Variants in TOP6BL observed in about 807,000 individuals in gnomAD.
TOP6BL encodes the protein type 2 DNA topoisomerase 6 subunit B-like.
chr11:66,836,425 G>T, the TOP6BL span, among the ~76,000 whole-genome samples: 10 of 151,840 alleles, frequency 6.6e-5, no homozygotes, highest in African/African-American at 2.4e-4. Flanking sequence ...TAGCCAGGAT[G>T]GTCTCAATCT....
the TOP6BL span, among the ~76,000 whole-genome samples, chr11:66,763,527 C>T: frequency 2.0e-5 from 3 of 152,020 alleles, no homozygotes; most frequent in Non-Finnish European, 2.9e-5. Context: ...CCAGGCTGGT[C>T]CTGAACTCCT....
chr11:66,793,162 A>C, the TOP6BL span, among the ~76,000 whole-genome samples: 2 of 151,566 alleles, frequency 1.3e-5, no homozygotes, highest in Non-Finnish European at 2.9e-5. Flanking sequence ...ATCTCAGCTC[A>C]CTGCAACCTC....
chr11:66,758,976 C>A, the TOP6BL span: 1 of 1,217,700 alleles, frequency 8.2e-7, no homozygotes, highest in South Asian at 1.6e-5. Context: ...TTTAGACTCT[C>A]ATTTGATTCT....
At chr11:66,755,999 A>G in the TOP6BL span, among the ~76,000 whole-genome samples, 1 of 152,254 alleles carries the variant, frequency 6.6e-6, no homozygotes, top group Non-Finnish European at 1.5e-5. Flanking sequence ...TAGTACTTAA[A>G]ACTATCTTTT....
the TOP6BL span, among the ~76,000 whole-genome samples, chr11:66,770,114 G>A: frequency 1.3e-5 from 2 of 152,036 alleles, no homozygotes; most frequent in African/African-American, 4.8e-5. Context: ...TCCCTCCCTT[G>A]TATCCACCAA....
chr11:66,827,301 T>C, the TOP6BL span, among the ~76,000 whole-genome samples: 59 of 147,724 alleles, frequency 4.0e-4, no homozygotes, highest in East Asian at 2.7e-3. Flanking sequence ...CCACCTGCCT[T>C]GGCCTCCCAA....
the TOP6BL span, chr11:66,839,099 C>T: frequency 2.2e-6 from 1 of 455,998 alleles, no homozygotes; most frequent in African/African-American, 2.0e-5. Context: ...TGCAATTATA[C>T]TGAAGTCTTT....
chr11:66,778,053 A>G, the TOP6BL span, among the ~76,000 whole-genome samples: 1 of 146,090 alleles, frequency 6.8e-6, no homozygotes, highest in South Asian at 2.2e-4. Flanking sequence ...TACCACCTCT[A>G]TTTTCTGTTT....
At chr11:66,801,740 G>C in the TOP6BL span, among the ~76,000 whole-genome samples, 1 of 152,170 alleles carries the variant, frequency 6.6e-6, no homozygotes, top group Non-Finnish European at 1.5e-5. Context: ...GGAGGCCAAA[G>C]CATGAGAATC....
At chr11:66,809,009 G>A in the TOP6BL span, among the ~76,000 whole-genome samples, 2 of 152,124 alleles carry the variant, frequency 1.3e-5, no homozygotes, top group Non-Finnish European at 2.9e-5. Flanking sequence ...GCAGTGGCTC[G>A]ATCTGGCTCA....
At chr11:66,796,237 G>C in the TOP6BL span, 2 of 1,382,486 alleles carry the variant, frequency 1.4e-6, no homozygotes, top group East Asian at 4.6e-5. Context: ...TTGTGCTCTT[G>C]AGATTGTGTA....
At chr11:66,800,959 C>T in the TOP6BL span, 1 of 1,540,416 alleles carries the variant, frequency 6.5e-7, no homozygotes, top group Non-Finnish European at 8.9e-7. Flanking sequence ...TAGTCATGGG[C>T]CAAAATTTAT....
chr11:66,839,154 CACAGCAGCAGGGGT>C, the TOP6BL span: 1 of 456,332 alleles, frequency 2.2e-6, no homozygotes, highest in African/African-American at 2.0e-5. Context: ...CTTCCCAGCC[CACAGCAGCAGGGGT>C]ACAGCAGCTC....
the TOP6BL span, among the ~76,000 whole-genome samples, chr11:66,831,894 G>A: frequency 2.0e-5 from 3 of 150,648 alleles, no homozygotes; most frequent in East Asian, 2.0e-4. Context: ...CTACTTGGGT[G>A]GCTGAGGCAG....
the TOP6BL span, among the ~76,000 whole-genome samples, chr11:66,841,411 C>A: frequency 6.6e-6 from 1 of 152,160 alleles, no homozygotes; most frequent in Admixed American, 6.5e-5. Context: ...CCACCGCGCC[C>A]GGCCAAGAGG....
At chr11:66,752,725 T>G in the TOP6BL span, among the ~76,000 whole-genome samples, 7 of 152,136 alleles carry the variant, frequency 4.6e-5, no homozygotes, top group Non-Finnish European at 1.0e-4. Context: ...AGTGCTGCGA[T>G]TACAAGCATG....
the TOP6BL span, among the ~76,000 whole-genome samples, chr11:66,823,881 G>A: frequency 6.6e-6 from 1 of 152,148 alleles, no homozygotes; most frequent in Non-Finnish European, 1.5e-5. Flanking sequence ...CTAATTCCTT[G>A]TTGAAAAATG....
At chr11:66,800,967 T>C in the TOP6BL span, 1 of 1,565,790 alleles carries the variant, frequency 6.4e-7, no homozygotes, top group Non-Finnish European at 8.8e-7. Flanking sequence ...GGCCAAAATT[T>C]ATGTCAAACA....
At chr11:66,745,477 G>T in the TOP6BL span, among the ~76,000 whole-genome samples, 1 of 152,220 alleles carries the variant, frequency 6.6e-6, no homozygotes, top group African/African-American at 2.4e-5. Context: ...TCGGGGAGCT[G>T]CTCTGGAAGA....
Sources: allele counts gnomAD v4.1 joint callset (sites outside exome capture counted in the v4.1 genomes callset), GRCh38; gene constraint gnomAD v4.1.1; transcripts MANE v1.5; gene names NCBI Gene and HGNC (gene_info 2026-07-23, HGNC 2026-07-21).